The following ANKRD11 variants were observed in gnomAD, a reference collection of about 807,000 sequenced individuals.
ANKRD11 encodes the protein ankyrin repeat domain-containing protein 11.
ANKRD11 carries 17 observed loss-of-function variants against 195.7 expected under a neutral mutation model. The observed-to-expected ratio is 0.09, with a 90% CI of 0.06 to 0.13. The LOEUF (loss-of-function observed/expected upper bound fraction) is 0.13, where lower values mean the gene tolerates loss of function less well. ANKRD11 is among the 10% of genes least tolerant of loss of function. The pLI, the probability that ANKRD11 is intolerant of heterozygous loss-of-function variation, is 1.00. For missense variants in ANKRD11, 3,735 were observed against 3,566.1 expected, an observed-to-expected ratio of 1.05 and a Z score of -1.21; for synonymous variants, 1,953 against 1,528.1, an observed-to-expected ratio of 1.28 and a Z score of -6.49.
At chr16:89,455,385 C>T (rs2056388029) in intron 1 of ANKRD11, among the ~76,000 whole-genome samples, 1 of 152,086 alleles carries the variant, frequency 6.6e-6, no homozygotes, top group South Asian at 2.1e-4. Flanking sequence ...AGTGCTGTGG[C>T]AGCAGTGCAG....
In ANKRD11 at chr16:89,283,825, C is replaced by T. The variant is rs763544660; in HGVS notation, c.2717G>A (p.Arg906Gln). Residue 906 changes from arginine (R) to glutamine (Q), a missense_variant, in exon 9 of 13, where the codon CGA (arginine) becomes CAA (glutamine). Arg to Gln is a conservative substitution (Grantham distance 43, BLOSUM62 1). Coordinates refer to ENST00000301030, the MANE Select transcript of ANKRD11 (RefSeq NM_013275.6). The surrounding 1 kb of genome is among the most constrained non-coding windows in gnomAD (Gnocchi z 4.3). ...ATCCAAATAGTCCCTGTCCTTCTTT[C>T]GGAAGAAGGGCTCTCTGTAGTCTCG... is the stretch of plus-strand genomic sequence containing the variant. ...EKRDYREPFF[R>Q]KKDRDYLDKN... 22 of 1,614,176 alleles carry T rather than the reference C, an allele frequency of 1.4e-5. No homozygotes were observed. The highest frequency in any genetic ancestry group is 2.2e-5 in the South Asian group (2 of 91,088).
chr16:89,421,993 G>A (rs2042529578), intron 1 of ANKRD11, among the ~76,000 whole-genome samples: 1 of 152,176 alleles, frequency 6.6e-6, no homozygotes, highest in African/African-American at 2.4e-5. Context: ...AAACCCAGGA[G>A]GTACTAATGG....
chr16:89,364,183 G>T (rs935371953), intron 2 of ANKRD11, among the ~76,000 whole-genome samples: 3 of 152,200 alleles, frequency 2.0e-5, no homozygotes, highest in Non-Finnish European at 2.9e-5. Flanking sequence ...GGGCCCACGA[G>T]GACCCTGCCA....
Position 89,317,054 on chromosome 16 carries a change from C to G in ANKRD11, c.-35G>C, listed in dbSNP as rs934844847. On this transcript the variant is annotated 5_prime_UTR_variant, in exon 3 of 13. Coordinates refer to ENST00000301030, the MANE Select transcript of ANKRD11 (RefSeq NM_013275.6). ...CCTCACCCGATCTTCATTTACACGGCCGGCGCTTCATCATCAACCGTCTGC... is the reference window on the plus strand; with the variant it reads ...CCTCACCCGATCTTCATTTACACGGGCGGCGCTTCATCATCAACCGTCTGC... 6.3e-7 allele frequency: 1 copy of G among 1,598,926 alleles called. No individual in the cohort carries two copies. The highest frequency in any genetic ancestry group is 1.3e-5 in the African/African-American group (1 of 74,610).
chr16:89,313,563 C>A (rs1191753968), intron 3 of ANKRD11: 3 of 1,289,044 alleles, frequency 2.3e-6, no homozygotes, highest in Non-Finnish European at 3.0e-6. Flanking sequence ...GTATATGTCA[C>A]TGAGATCACG....
chr16:89,317,292 G>A (rs371478042), intron 2 of ANKRD11, among the ~76,000 whole-genome samples: 2 of 152,304 alleles, frequency 1.3e-5, no homozygotes, highest in East Asian at 1.9e-4. Flanking sequence ...GAGCAGGAAG[G>A]AGAACAGAGA....
At chr16:89,315,739 G>A (rs375900285) in intron 3 of ANKRD11, among the ~76,000 whole-genome samples, 13 of 152,332 alleles carry the variant, frequency 8.5e-5, no homozygotes, top group African/African-American at 2.6e-4. Context: ...GCACCTGCAC[G>A]TGTCCGTATT....
chr16:89,416,542 C>A (rs2152226875), intron 2 of ANKRD11, among the ~76,000 whole-genome samples: 1 of 152,270 alleles, frequency 6.6e-6, no homozygotes, highest in Admixed American at 6.5e-5. Context: ...AAGTGATCCA[C>A]CCACCTTGAC....
At chr16:89,489,822 C>G (rs1237585953) in intron 1 of ANKRD11, among the ~76,000 whole-genome samples, 1 of 145,692 alleles carries the variant, frequency 6.9e-6, no homozygotes, top group Non-Finnish European at 1.5e-5. Context: ...ACGGCCGCCC[C>G]GGGCCCCCAC....
At chr16:89,381,972 G>C (rs1454997686) in intron 2 of ANKRD11, among the ~76,000 whole-genome samples, 1 of 152,202 alleles carries the variant, frequency 6.6e-6, no homozygotes, top group Non-Finnish European at 1.5e-5. Context: ...CTTCAATGTA[G>C]TGTGTCTGAG....
chr16:89,347,420 T>C (rs533222015), intron 2 of ANKRD11, among the ~76,000 whole-genome samples: 30 of 152,126 alleles, frequency 2.0e-4, no homozygotes, highest in African/African-American at 7.2e-4. Flanking sequence ...CCATCCTGGC[T>C]AGCACGGTGA....
intron 2 of ANKRD11, chr16:89,324,230 C>T (rs1466357304): frequency 3.3e-6 from 4 of 1,201,468 alleles, no homozygotes; most frequent in Non-Finnish European, 4.2e-6. Context: ...CTGCTTTGCC[C>T]CTCAGACACA....
intron 1 of ANKRD11, among the ~76,000 whole-genome samples, chr16:89,425,398 C>A (rs766026624): frequency 3.3e-5 from 5 of 152,106 alleles, no homozygotes; most frequent in African/African-American, 1.2e-4. Context: ...AAAAATCTTA[C>A]AATGTAACTT....
intron 2 of ANKRD11, among the ~76,000 whole-genome samples, chr16:89,387,395 G>A (rs1464481763): frequency 5.9e-5 from 9 of 152,054 alleles, no homozygotes; most frequent in South Asian, 2.1e-4. Context: ...TGCTTGGGCC[G>A]GGCGCGGTGG....
intron 1 of ANKRD11, among the ~76,000 whole-genome samples, chr16:89,435,560 C>A (rs1386452174): frequency 3.3e-5 from 5 of 152,088 alleles, no homozygotes; most frequent in South Asian, 2.1e-4. Context: ...CCAGACACAT[C>A]TGAAAATCTG....
intron 4 of ANKRD11, among the ~76,000 whole-genome samples, chr16:89,303,873 G>A (rs931227111): frequency 7.2e-5 from 11 of 152,190 alleles, no homozygotes; most frequent in African/African-American, 2.7e-4. Context: ...CGTATCACGA[G>A]CTCTTCTCAC....
intron 2 of ANKRD11, among the ~76,000 whole-genome samples, chr16:89,341,959 C>T (rs1007244542): frequency 2.7e-5 from 4 of 149,984 alleles, no homozygotes; most frequent in South Asian, 2.1e-4. Context: ...ACAGCAGCCA[C>T]GGCCCATGGC....
At chr16:89,429,930 C>T (rs1473913072) in intron 1 of ANKRD11, among the ~76,000 whole-genome samples, 2 of 86,160 alleles carry the variant, frequency 2.3e-5, no homozygotes, top group Admixed American at 1.2e-4. Flanking sequence ...ACAGCAGGGA[C>T]TCTCAACTCT....
chr16:89,481,695 C>G (rs2057450476), intron 1 of ANKRD11, among the ~76,000 whole-genome samples: 1 of 152,088 alleles, frequency 6.6e-6, no homozygotes, highest in South Asian at 2.1e-4. Context: ...CATTGCAAAC[C>G]CTACACAACC....
Sources: allele counts gnomAD v4.1 joint callset (sites outside exome capture counted in the v4.1 genomes callset), GRCh38; gene constraint gnomAD v4.1.1; non-coding constraint Gnocchi (gnomAD v3.1); transcripts MANE v1.5; gene names NCBI Gene and HGNC (gene_info 2026-07-23, HGNC 2026-07-21).